Variants in CDK13 observed in about 807,000 individuals in gnomAD.
The protein encoded by CDK13 is cyclin dependent kinase 13.
CDK13 carries 40 observed loss-of-function variants against 137.6 expected under a neutral mutation model. The observed-to-expected ratio is 0.29, with a 90% confidence interval of 0.23 to 0.38. CDK13 has a LOEUF of 0.38. Ranked by LOEUF, CDK13 falls within the 10% of genes least tolerant of loss-of-function variation. CDK13 has a pLI of 1.00. For missense variants in CDK13, 1,704 were observed against 1,951.8 expected (o/e 0.87, Z 2.39); for synonymous variants, 869 against 760.1 (o/e 1.14, Z -2.36).
chr7:39,993,278 A>C (rs1029892304), intron 2 of CDK13, among the ~76,000 whole-genome samples: 1 of 152,128 alleles, frequency 6.6e-6, no homozygotes, highest in African/African-American at 2.4e-5. Flanking sequence ...TATCCCATTT[A>C]ATCATTCTAC....
intron 13 of CDK13, 135 bp from the exon 14 acceptor site, chr7:40,093,995 C>CT: frequency 2.0e-6 from 2 of 1,023,032 alleles, no homozygotes; most frequent in South Asian, 1.7e-5. Flanking sequence ...AAACTTTTTG[C>CT]TTTTTTCATT....
rs1562716901 is a variant in CDK13, at chr7:39,992,166, GTGT to G, written c.1871+3909_1871+3911del. On this transcript the variant is annotated intron_variant, in intron 2 of 13. Transcript: ENST00000181839. Reference sequence around the variant, plus strand: ...GTTGTTTAAGAGAACTAATGAGGGTGTGTGTGTGTGTGTGTGTGTGTGTGTGTG... The same window carrying G: ...GTTGTTTAAGAGAACTAATGAGGGTGGTGTGTGTGTGTGTGTGTGTGTGTG... 2.5e-3 allele frequency among the ~76,000 whole-genome samples: 120 copies of G among 47,174 alleles called. No homozygotes were observed. The East Asian group carries it at 0.027, about 11-fold the overall frequency. 30.9% of individuals were successfully genotyped at this position (47,174 alleles called of 152,430 possible).
intron 5 of CDK13, among the ~76,000 whole-genome samples, chr7:40,009,856 C>T (rs2116359251): frequency 6.6e-6 from 1 of 152,328 alleles, no homozygotes. Context: ...ACTAGAGGTT[C>T]TTGCCAGGGC....
chr7:40,081,475 C>G (rs1786661409), intron 11 of CDK13, among the ~76,000 whole-genome samples: 1 of 152,038 alleles, frequency 6.6e-6, no homozygotes, highest in African/African-American at 2.4e-5. Flanking sequence ...GTACGTTGTT[C>G]CATTTTCATC....
At position 39,996,983 on chromosome 7, in the gene CDK13, A is replaced by AAAAAAAAAAAAAAAAAG. The variant is rs1562719391; in HGVS notation, c.1872-506_1872-505insAAAAAAAAAAAGAAAAA. Reference sequence around the variant, plus strand: ...TCTCAAAAAAAAAAAAAAAGAAAAAAAAAAAGAAAAATGCTTTGCAAAACT... The same window carrying AAAAAAAAAAAAAAAAAG: ...TCTCAAAAAAAAAAAAAAAGAAAAAAAAAAAAAAAAAAAAAAGAAAAAGAAAAATGCTTTGCAAAACT... On this transcript the variant is annotated intron_variant, in intron 2 of 13. Coordinates refer to ENST00000181839, the MANE Select transcript of CDK13 (RefSeq NM_003718.5). Among the ~76,000 whole-genome samples, 38 of 141,412 alleles carry AAAAAAAAAAAAAAAAAG rather than the reference A, an allele frequency of 2.7e-4. 1 individual carries two copies. The highest frequency in any genetic ancestry group is 1.1e-3 in the African/African-American group (37 of 33,494). 92.8% of individuals were successfully genotyped at this position (141,412 alleles called of 152,430 possible).
intron 7 of CDK13, among the ~76,000 whole-genome samples, chr7:40,060,538 C>T (rs1193423529): frequency 6.6e-6 from 1 of 152,108 alleles, no homozygotes; most frequent in Non-Finnish European, 1.5e-5. Context: ...GACCTGTGCC[C>T]AGCATTGTTT....
rs148170327 is a variant in CDK13 at position 39,987,969 on chromosome 7, A to G, written c.1582A>G (p.Ser528Gly). 2.5e-6 allele frequency: 4 copies of G among 1,614,040 alleles called. No homozygotes were observed. In the African/African-American group the frequency reaches 5.3e-5, roughly 22 times the overall value. Reference protein sequence around the residue: ...IKIEHAPSPSSGGTLKNDKAK... With the variant: ...IKIEHAPSPSGGGTLKNDKAK... ...AATTGAACATGCACCTTCTCCCTCAAGTGGTGGAACTTTAAAAAATGACAA... is the reference window on the plus strand; with the variant it reads ...AATTGAACATGCACCTTCTCCCTCAGGTGGTGGAACTTTAAAAAATGACAA... The change falls in exon 2 of 14, where the codon AGT becomes GGT. Residue 528 changes from serine to glycine, a missense_variant. This residue lies in a region of CDK13 where 1,051 missense variants were observed against 931.0 expected (regional missense o/e 1.13). Coordinates refer to ENST00000181839, the MANE Select transcript of CDK13 (RefSeq NM_003718.5).
chr7:40,093,378 T>C (rs1459404112), intron 13 of CDK13, 141 bp downstream of exon 13: 15 of 642,384 alleles, frequency 2.3e-5, no homozygotes, highest in Non-Finnish European at 3.1e-5. Flanking sequence ...AATAGGTTGG[T>C]TTTTCAGTCT....
intron 1 of CDK13, among the ~76,000 whole-genome samples, chr7:39,979,881 G>A (rs1419456347): frequency 6.6e-6 from 1 of 152,122 alleles, no homozygotes; most frequent in African/African-American, 2.4e-5. Context: ...CATGATGAAA[G>A]TAGAGGCCCA....
intron 2 of CDK13, among the ~76,000 whole-genome samples, chr7:39,993,710 T>G (rs1784508104): frequency 6.6e-6 from 1 of 152,144 alleles, no homozygotes; most frequent in African/African-American, 2.4e-5. Flanking sequence ...TATCGTGTTC[T>G]TCTGTTGATT....
At chr7:40,081,981 G>T (rs1786672728) in intron 11 of CDK13, among the ~76,000 whole-genome samples, 1 of 152,148 alleles carries the variant, frequency 6.6e-6, no homozygotes, top group Non-Finnish European at 1.5e-5. Flanking sequence ...ATGAAAGAGA[G>T]GGCTGAGATT....
intron 5 of CDK13, among the ~76,000 whole-genome samples, chr7:40,036,201 T>A (rs531616168): frequency 8.1e-6 from 1 of 123,112 alleles, no homozygotes; most frequent in Non-Finnish European, 1.9e-5. Context: ...CACACACATA[T>A]AAAACCTTGA....
chr7:40,039,905 C>G (rs1401125402), intron 5 of CDK13, among the ~76,000 whole-genome samples: 1 of 151,306 alleles, frequency 6.6e-6, no homozygotes, highest in African/African-American at 2.4e-5. Flanking sequence ...TTCTTGATTC[C>G]TAGTTGGAAC....
intron 5 of CDK13, among the ~76,000 whole-genome samples, chr7:40,021,108 T>TACACACACAC (rs1359649785): frequency 1.1e-3 from 78 of 72,496 alleles, no homozygotes; most frequent in East Asian, 5.2e-3. Flanking sequence ...CAAACGTATA[T>TACACACACAC]ATATATATAT....
intron 7 of CDK13, among the ~76,000 whole-genome samples, chr7:40,058,094 A>C (rs1456502890): frequency 6.6e-6 from 1 of 152,070 alleles, no homozygotes; most frequent in African/African-American, 2.4e-5. Flanking sequence ...CTCTTTTAGG[A>C]AGTAAATTGG....
intron 1 of CDK13, among the ~76,000 whole-genome samples, chr7:39,973,974 T>C (rs1304334727): frequency 6.6e-6 from 1 of 152,220 alleles, no homozygotes; most frequent in Non-Finnish European, 1.5e-5. Flanking sequence ...CCACACAGTC[T>C]TGCTTACTCT....
chr7:39,981,856 A>G (rs1371105089), intron 1 of CDK13, among the ~76,000 whole-genome samples: 3 of 150,630 alleles, frequency 2.0e-5, no homozygotes, highest in Non-Finnish European at 3.0e-5. Flanking sequence ...CAGCGGCACA[A>G]TCTCGGCTCA....
In CDK13 at chr7:39,951,582, G is replaced by C. The variant is rs868770745; in HGVS notation, c.941G>C (p.Arg314Pro). The change falls in exon 1 of 14, where the codon CGG becomes CCG. Residue 314 changes from arginine to proline, a missense_variant. Physicochemically the swap from Arg to Pro is moderately radical, Grantham distance 103. Coordinates refer to ENST00000181839, the MANE Select transcript of CDK13 (RefSeq NM_003718.5). ...GAGCCTAAGGCCTACAGGCGGCGGC[G>C]GTCCCTCAGCCCACTGGGAGGCCGG... ...KTEPKAYRRR[R>P]SLSPLGGRDD... 2 of 1,506,816 alleles carry C rather than the reference G, an allele frequency of 1.3e-6. No individual in the cohort carries two copies. 93.3% of individuals were successfully genotyped at this position (1,506,816 alleles called of 1,614,324 possible). A position where few individuals can be genotyped will look rare whatever the true frequency, so the allele number is the denominator to read the frequency against.
At chr7:39,972,294 T>C (rs1000827768) in intron 1 of CDK13, among the ~76,000 whole-genome samples, 1 of 152,260 alleles carries the variant, frequency 6.6e-6, no homozygotes, top group African/African-American at 2.4e-5. Context: ...TTTTATGTTA[T>C]CTTTTCTAGT....
Sources: gnomAD v4.1 joint callset for allele counts (sites outside exome capture counted in the v4.1 genomes callset) on GRCh38, gnomAD v4.1.1 for gene constraint, gnomAD v4.1.1 regional missense constraint, MANE v1.5 for transcripts, NCBI Gene and HGNC (gene_info 2026-07-23, HGNC 2026-07-21) for gene names.